CAGE1: variants seen among roughly 807,000 people sequenced by gnomAD.
CAGE1 encodes cancer-associated gene 1 protein.
Under a neutral mutation model 94.9 loss-of-function variants are expected in CAGE1, and 66 were observed. That is an observed-to-expected ratio of 0.70 (90% CI 0.57 to 0.85). The LOEUF (loss-of-function observed/expected upper bound fraction) is 0.85. Among genes scored for constraint, CAGE1 ranks in the 40% least tolerant of loss-of-function variants. The probability of loss-of-function intolerance (pLI) is 0.00; values close to 1 mark genes in which losing one functional copy is unlikely to be tolerated. For synonymous variants in CAGE1, 319 were observed against 321.0 expected (o/e 0.99, Z 0.07); for missense variants, 865 against 950.4 (o/e 0.91, Z 1.18).
chr6:7,345,198 TTC>T (rs1241530311), intron 11 of CAGE1, among the ~76,000 whole-genome samples: 2 of 107,364 alleles, frequency 1.9e-5, no homozygotes, highest in African/African-American at 1.1e-4. Context: ...GGTTTGTAGT[TTC>T]ACTCTTTGAA....
chr6:7,387,760 C>T (rs1761167750), intron 1 of CAGE1, among the ~76,000 whole-genome samples: 1 of 151,652 alleles, frequency 6.6e-6, no homozygotes, highest in Non-Finnish European at 1.5e-5. Flanking sequence ...TGGCTCACGC[C>T]TGTAATCCCA....
At chr6:7,345,557 T>C (rs1341942876) in intron 11 of CAGE1, among the ~76,000 whole-genome samples, 1 of 152,232 alleles carries the variant, frequency 6.6e-6, no homozygotes, top group African/African-American at 2.4e-5. Context: ...GTAGTTTTCT[T>C]TCAGCCTTTT....
intron 11 of CAGE1, chr6:7,347,320 A>C (rs1759584160): frequency 6.6e-6 from 1 of 152,124 alleles, no homozygotes; most frequent in Non-Finnish European, 1.5e-5. Flanking sequence ...CCAAACACAA[A>C]CCCCAACTGA....
chr6:7,367,278 A>ATTTTTTTTTTTTTTT lies in CAGE1; in HGVS notation c.2004+1395_2005-1395dup, dbSNP rs70978961. On this transcript the variant is annotated intron_variant, in intron 7 of 13. Coordinates refer to ENST00000502583, the MANE Select transcript of CAGE1 (RefSeq NM_001170692.2). ...AATATCTGAAAGAAATATTTGGGGG[A>ATTTTTTTTTTTTTTT]TTTTTTTTTTTTTTTTGCTTTTTGT... Among the ~76,000 whole-genome samples, 221 of 111,108 alleles carry ATTTTTTTTTTTTTTT rather than the reference A, an allele frequency of 2.0e-3. 2 individuals carry two copies. Among genetic ancestry groups the ATTTTTTTTTTTTTTT allele is most frequent in the African/African-American group, 7.9e-3 (207 of 26,256 alleles). 72.9% of individuals were successfully genotyped at this position (111,108 alleles called of 152,430 possible). A position where few individuals can be genotyped will look rare whatever the true frequency, so the allele number is the denominator to read the frequency against.
At chr6:7,337,850 A>T (rs1333899454) in intron 11 of CAGE1, among the ~76,000 whole-genome samples, 1 of 152,332 alleles carries the variant, frequency 6.6e-6, no homozygotes. Flanking sequence ...TTGAATTTCC[A>T]TATGAGTTTA....
chr6:7,365,924 A>G, intron 7 of CAGE1, 40 bp from the exon 8 acceptor site: 2 of 1,131,732 alleles, frequency 1.8e-6, no homozygotes, highest in Non-Finnish European at 2.5e-6. Flanking sequence ...GAGAGAAAAT[A>G]CAACTACGCT....
chr6:7,339,349 G>C lies in CAGE1; in HGVS notation c.2370-5259C>G, dbSNP rs1196260600. On this transcript the variant is annotated intron_variant, in intron 11 of 13. Coordinates refer to ENST00000502583, the MANE Select transcript of CAGE1 (RefSeq NM_001170692.2). This position sits in a 1 kb window ranked among gnomAD's most constrained non-coding sequence, Gnocchi z 4.7. ...CCCTCTGGAGAGCCAAACCTCTTCT[G>C]AACTACAGCAGTCAGTTCCCGAATC... 3.5e-5 allele frequency: 56 copies of C among 1,608,372 alleles called. No homozygotes were observed. The highest frequency in any genetic ancestry group is 8.9e-5 in the East Asian group (4 of 44,866).
chr6:7,384,118 C>A (rs957844227), intron 3 of CAGE1, among the ~76,000 whole-genome samples: 1 of 152,146 alleles, frequency 6.6e-6, no homozygotes, highest in Non-Finnish European at 1.5e-5. Flanking sequence ...CTTATTGTCG[C>A]CCAGGCTGGA....
intron 4 of CAGE1, among the ~76,000 whole-genome samples, chr6:7,375,896 G>T (rs191424440): frequency 2.0e-3 from 306 of 152,214 alleles, no homozygotes; most frequent in Non-Finnish European, 3.3e-3. Flanking sequence ...TCATTACTGA[G>T]ACCTACAAGG....
At chr6:7,372,585 T>C (rs1441193374) in intron 5 of CAGE1, among the ~76,000 whole-genome samples, 1 of 151,894 alleles carries the variant, frequency 6.6e-6, no homozygotes, top group African/African-American at 2.4e-5. Context: ...AAGGCAGGAA[T>C]AGCTGTTCTT....
At position 7,373,632 on chromosome 6, in the gene CAGE1, AGAT is replaced by A; in HGVS notation, c.1184_1186del (p.His395del). On this transcript the variant is annotated inframe_deletion, in exon 5 of 14. Coordinates refer to ENST00000502583, the MANE Select transcript of CAGE1 (RefSeq NM_001170692.2). Reference sequence around the variant, plus strand: ...TTCCTTGTCATTCCTGGATTCCTGAAGATGTTTTTGCGTGTTAGCTAAAACCTC... The same window carrying A: ...TTCCTTGTCATTCCTGGATTCCTGAAGTTTTTGCGTGTTAGCTAAAACCTC... The A allele has an allele frequency of 6.2e-7, 1 of 1,613,462 alleles. No individual in the cohort carries two copies.
Position 7,362,661 on chromosome 6 carries a change from G to A in CAGE1, c.2193+2807C>T, listed in dbSNP as rs772959062. 1.1e-4 allele frequency among the ~76,000 whole-genome samples: 16 copies of A among 152,116 alleles called. No individual in the cohort carries two copies. The highest frequency in any genetic ancestry group is 2.9e-4 in the African/African-American group (12 of 41,408). ...CATGAGCATCACCCTGCACTCCAGCGGCCACACCTTGCTGGCCCAGAGTTC... is the reference window on the plus strand; with the variant it reads ...CATGAGCATCACCCTGCACTCCAGCAGCCACACCTTGCTGGCCCAGAGTTC... On this transcript the variant is annotated intron_variant, in intron 9 of 13. Transcript: ENST00000502583. The surrounding 1 kb of genome is among the most constrained non-coding windows in gnomAD (Gnocchi z 4.1).
At chr6:7,344,496 C>CA (rs1325211679) in intron 11 of CAGE1, among the ~76,000 whole-genome samples, 3 of 152,264 alleles carry the variant, frequency 2.0e-5, no homozygotes, top group Non-Finnish European at 4.4e-5. Flanking sequence ...GCCTGAGCCT[C>CA]GCAACCCCTC....
intron 11 of CAGE1, chr6:7,341,804 C>T: frequency 2.9e-6 from 2 of 681,314 alleles, no homozygotes; most frequent in South Asian, 2.7e-5. Context: ...AGAACAACCA[C>T]ATTTTCTGGA....
chr6:7,344,666 G>A (rs1466803414), intron 11 of CAGE1, among the ~76,000 whole-genome samples: 1 of 152,244 alleles, frequency 6.6e-6, no homozygotes. Flanking sequence ...ACTGGGTGAA[G>A]CCAGCTGAGC....
At chr6:7,343,190 CAAA>C (rs769864903) in intron 11 of CAGE1, among the ~76,000 whole-genome samples, 2 of 113,506 alleles carry the variant, frequency 1.8e-5, no homozygotes, top group Non-Finnish European at 3.7e-5. Context: ...CTCTGTCCCA[CAAA>C]AAAAAAAAAG....
Position 7,365,158 on chromosome 6 carries a change from T to C in CAGE1, c.2193+310A>G, listed in dbSNP as rs183358029. Among the ~76,000 whole-genome samples, 4 of 152,356 alleles carry C rather than the reference T, an allele frequency of 2.6e-5. No homozygotes were observed. In the East Asian group the frequency reaches 7.7e-4, roughly 29 times the overall value. The stretch of plus-strand genomic sequence containing the variant: ...CATGGCTGTTGTACACAGCTATTAC[T>C]GCAGCATATGCAACAGTATTAGTGT... On this transcript the variant is annotated intron_variant, in intron 9 of 13. Coordinates refer to ENST00000502583, the MANE Select transcript of CAGE1 (RefSeq NM_001170692.2).
intron 11 of CAGE1, among the ~76,000 whole-genome samples, chr6:7,345,380 C>A (rs186600913): frequency 6.6e-6 from 1 of 151,992 alleles, no homozygotes; most frequent in Admixed American, 6.6e-5. Flanking sequence ...TCAGAAGGAA[C>A]AAACGCCAGA....
In CAGE1 at chr6:7,362,119, T is replaced by G. The variant is rs1204747754; in HGVS notation, c.2193+3349A>C. Among the ~76,000 whole-genome samples the G allele has an allele frequency of 1.1e-4, 17 of 152,262 alleles. No individual in the cohort carries two copies. Among genetic ancestry groups the G allele is most frequent in the Admixed American group, 1.1e-3 (17 of 15,286 alleles). ...CTGTTCCTTTCTTATTCTTGTGACT[T>G]CTTTACAATTTAACAAGCTGTTAAT... On this transcript the variant is annotated intron_variant, in intron 9 of 13. Coordinates refer to ENST00000502583, the MANE Select transcript of CAGE1 (RefSeq NM_001170692.2). The surrounding 1 kb of genome is among the most constrained non-coding windows in gnomAD (Gnocchi z 4.1).
Sources: allele counts gnomAD v4.1 joint callset (sites outside exome capture counted in the v4.1 genomes callset), GRCh38; gene constraint gnomAD v4.1.1; non-coding constraint Gnocchi (gnomAD v3.1); transcripts MANE v1.5; gene names NCBI Gene and HGNC (gene_info 2026-07-23, HGNC 2026-07-21).